Variants in ZFHX3 observed in about 807,000 individuals in gnomAD.
ZFHX3 encodes zinc finger homeobox protein 3.
In ZFHX3, 42 loss-of-function variants were observed where a neutral mutation model predicts 279.1. The ratio of observed to expected loss-of-function variants is 0.15; its 90% CI spans 0.12 to 0.19. ZFHX3 has a LOEUF of 0.19. Among genes scored for constraint, ZFHX3 ranks in the 10% least tolerant of loss-of-function variants. The pLI is 1.00. For synonymous variants in ZFHX3, 2,293 were observed against 1,957.8 expected, an observed-to-expected ratio of 1.17 and a Z score of -4.52; for missense variants, 4,981 against 4,754.0, an observed-to-expected ratio of 1.05 and a Z score of -1.40.
chr16:72,828,104 G>C (rs539447614), intron 5 of ZFHX3, among the ~76,000 whole-genome samples: 133 of 152,224 alleles, frequency 8.7e-4, no homozygotes, highest in African/African-American at 2.9e-3. Context: ...CCAAGATTCT[G>C]TATCTTGTTT....
intron 3 of ZFHX3, among the ~76,000 whole-genome samples, chr16:73,366,280 T>C (rs2016526507): frequency 6.6e-6 from 1 of 152,184 alleles, no homozygotes; most frequent in Non-Finnish European, 1.5e-5. Context: ...AGAAGGATAC[T>C]GGATGGGATA....
chr16:72,793,449 T>G lies in ZFHX3; in HGVS notation c.9233A>C (p.Gln3078Pro), dbSNP rs1178029493. Residue 3078 changes from glutamine (Q) to proline (P), a missense_variant, in exon 9 of 10, where the codon CAA becomes CCA. Physicochemically the swap from Gln to Pro is moderately conservative, Grantham distance 76. This residue lies in a region of ZFHX3 where 168 missense variants were observed against 249.1 expected (regional missense o/e 0.67). Coordinates refer to ENST00000268489, the MANE Select transcript of ZFHX3 (RefSeq NM_006885.4). This position sits in a 1 kb window ranked among gnomAD's most constrained non-coding sequence, Gnocchi z 4.3. ...CTTTTTAATCCGGTCCAACTCTTGTTGAGCCATCAACTGACGTACGGTGGC... is the reference window on the plus strand; with the variant it reads ...CTTTTTAATCCGGTCCAACTCTTGTGGAGCCATCAACTGACGTACGGTGGC... ...DPATVRQLMA[Q>P]QELDRIKKAN... 2 of 1,614,122 alleles carry G rather than the reference T, an allele frequency of 1.2e-6. No individual in the cohort carries two copies. Among genetic ancestry groups the G allele is most frequent in the African/African-American group, 2.7e-5 (2 of 74,936 alleles).
At chr16:73,835,968 T>C (rs184872090) in intron 1 of ZFHX3, among the ~76,000 whole-genome samples, 14 of 152,030 alleles carry the variant, frequency 9.2e-5, no homozygotes, top group Admixed American at 9.2e-4. Context: ...CAAAAGAAAA[T>C]GGGCTCATGG....
Position 72,797,329 on chromosome 16 carries a change from C to T in ZFHX3, c.5353G>A (p.Glu1785Lys). 2 of 1,603,046 alleles carry T rather than the reference C, an allele frequency of 1.2e-6. No individual in the cohort carries two copies. The highest frequency in any genetic ancestry group is 8.5e-7 in the Non-Finnish European group (1 of 1,173,978). ...TLLPHFPMTT[E>K]TLLQLQQQQH... is the part of the protein sequence containing the mutation. The stretch of plus-strand genomic sequence containing the variant: ...TGCTGCTGTAGTTGCAGCAGGGTCT[C>T]AGTTGTCATGGGGAAGTGAGGAAGG... Residue 1785 changes from glutamate to lysine, a missense_variant, in exon 9 of 10, where the codon GAG becomes AAG. Glu to Lys is a moderately conservative substitution (Grantham distance 56). Transcript: ENST00000268489.
At chr16:73,460,254 G>A (rs536772675) in intron 2 of ZFHX3, among the ~76,000 whole-genome samples, 117 of 152,006 alleles carry the variant, frequency 7.7e-4, no homozygotes, top group Non-Finnish European at 1.4e-3. Flanking sequence ...TTCACTCAGC[G>A]TAATTCTCAC....
chr16:72,862,740 T>C (rs1597321978), intron 4 of ZFHX3, among the ~76,000 whole-genome samples: 1 of 152,076 alleles, frequency 6.6e-6, no homozygotes, highest in African/African-American at 2.4e-5. Context: ...TGTTCAACAA[T>C]GCTGTGGGGC....
chr16:73,740,808 A>G (rs927156624), intron 1 of ZFHX3, among the ~76,000 whole-genome samples: 4 of 152,176 alleles, frequency 2.6e-5, no homozygotes, highest in Non-Finnish European at 4.4e-5. Flanking sequence ...CCTGCCTTCC[A>G]TCAGGGGCTT....
intron 1 of ZFHX3, among the ~76,000 whole-genome samples, chr16:73,846,283 T>C (rs1961446241): frequency 6.6e-6 from 1 of 152,184 alleles, no homozygotes; most frequent in Admixed American, 6.5e-5. Flanking sequence ...CTGAAATTTC[T>C]GTCTGGACAC....
intron 1 of ZFHX3, among the ~76,000 whole-genome samples, chr16:73,043,463 C>G (rs929484175): frequency 3.3e-5 from 5 of 152,274 alleles, no homozygotes; most frequent in African/African-American, 9.6e-5. Context: ...TATTTGAGCC[C>G]TTATTCTTGT....
intron 2 of ZFHX3, among the ~76,000 whole-genome samples, chr16:73,673,113 G>C (rs2052920348): frequency 6.6e-6 from 1 of 152,032 alleles, no homozygotes; most frequent in African/African-American, 2.4e-5. Flanking sequence ...ATATTGTTTA[G>C]TTCAAATTAA....
At chr16:73,523,268 G>A (rs1457350952) in intron 2 of ZFHX3, among the ~76,000 whole-genome samples, 2 of 152,184 alleles carry the variant, frequency 1.3e-5, no homozygotes, top group African/African-American at 4.8e-5. Context: ...AGAACTCTTG[G>A]AACACAGCAC....
intron 3 of ZFHX3, among the ~76,000 whole-genome samples, chr16:72,912,379 G>A (rs2039340716): frequency 6.6e-6 from 1 of 152,200 alleles, no homozygotes; most frequent in African/African-American, 2.4e-5. Flanking sequence ...ATGGGACCTG[G>A]GTGGGTTGGA....
intron 3 of ZFHX3, among the ~76,000 whole-genome samples, chr16:72,925,183 AT>A (rs2144258643): frequency 6.6e-6 from 1 of 152,314 alleles, no homozygotes; most frequent in Non-Finnish European, 1.5e-5. Flanking sequence ...ACACAAAGCC[AT>A]TGCTGTGCTA....
At chr16:73,235,760 C>T (rs1373401107) in intron 5 of ZFHX3, among the ~76,000 whole-genome samples, 1 of 152,102 alleles carries the variant, frequency 6.6e-6, no homozygotes, top group Admixed American at 6.5e-5. Flanking sequence ...GCAGCCTTGA[C>T]CTCCTGGGCT....
At chr16:73,033,407 GC>G (rs1033449724) in intron 1 of ZFHX3, among the ~76,000 whole-genome samples, 1 of 152,048 alleles carries the variant, frequency 6.6e-6, no homozygotes, top group Non-Finnish European at 1.5e-5. Context: ...CTCCCCCGCC[GC>G]CCCCCAGCAC....
intron 3 of ZFHX3, among the ~76,000 whole-genome samples, chr16:73,453,790 A>G (rs1440018246): frequency 1.3e-5 from 2 of 152,234 alleles, no homozygotes; most frequent in African/African-American, 2.4e-5. Context: ...CATGTCTTAC[A>G]TGGCGGCAGA....
chr16:73,761,969 C>A (rs1363376392), intron 1 of ZFHX3, among the ~76,000 whole-genome samples: 1 of 151,826 alleles, frequency 6.6e-6, no homozygotes, highest in Non-Finnish European at 1.5e-5. Context: ...CAACAAAAAC[C>A]AAACTTGACA....
chr16:73,136,050 G>T (rs965367136), intron 6 of ZFHX3, among the ~76,000 whole-genome samples: 2 of 152,064 alleles, frequency 1.3e-5, no homozygotes, highest in Middle Eastern at 3.2e-3. Flanking sequence ...TAGAGACGGG[G>T]TTTAACCATG....
In ZFHX3 at chr16:72,796,273, T is replaced by C. The variant is rs1024104501; in HGVS notation, c.6409A>G (p.Asn2137Asp). 6.2e-7 allele frequency: 1 copy of C among 1,613,986 alleles called. No individual in the cohort carries two copies. The highest frequency in any genetic ancestry group is 8.5e-7 in the Non-Finnish European group (1 of 1,180,022). ...TTCTGCTGCTGGAGCAGGGTTGGAT[T>C]GAGCTGATGCTGGTAGAGTTGGGCC... ...DLAQLYQHQL[N>D]PTLLQQQNKR... Residue 2137 changes from asparagine to aspartate, a missense_variant, in exon 9 of 10, where the codon AAT (asparagine) becomes GAT (aspartate). Asn to Asp is a conservative substitution (Grantham distance 23). Around this residue, in one of 7 missense-constraint regions of ZFHX3, gnomAD observed 1,751 missense variants for 1,770.0 expected, o/e 0.99. Coordinates refer to ENST00000268489, the MANE Select transcript of ZFHX3 (RefSeq NM_006885.4).
Sources: gnomAD v4.1 joint callset for allele counts (sites outside exome capture counted in the v4.1 genomes callset) on GRCh38, gnomAD v4.1.1 for gene constraint, gnomAD v4.1.1 regional missense constraint, Gnocchi (gnomAD v3.1) non-coding constraint, MANE v1.5 for transcripts, NCBI Gene and HGNC (gene_info 2026-07-23, HGNC 2026-07-21) for gene names.